NWD1: variants seen among roughly 807,000 people sequenced by gnomAD.
The protein encoded by NWD1 is NACHT and WD repeat domain containing 1.
In NWD1, 129 loss-of-function variants were observed where a neutral mutation model predicts 135.1. The observed-to-expected ratio is 0.96, with a 90% CI of 0.83 to 1.11. NWD1 has a LOEUF of 1.11. Ranked by LOEUF, NWD1 falls within the 50% of genes least tolerant of loss-of-function variation. NWD1 has a pLI of 0.00. For missense variants in NWD1, 1,740 were observed against 1,851.3 expected (o/e 0.94, Z 1.10); for synonymous variants, 773 against 786.0 (o/e 0.98, Z 0.28).
At chr19:16,780,435 C>T (rs1020681653) in intron 12 of NWD1, among the ~76,000 whole-genome samples, 5 of 152,120 alleles carry the variant, frequency 3.3e-5, no homozygotes, top group Admixed American at 6.6e-5. Context: ...GGATTACAGG[C>T]GTGAGCCACC....
chr19:16,744,387 G>C, intron 4 of NWD1, 34 bp from the exon 5 acceptor site: 1 of 1,530,914 alleles, frequency 6.5e-7, no homozygotes, highest in Non-Finnish European at 8.8e-7. Flanking sequence ...AAGAAAAAAA[G>C]TGAGATTTGA....
chr19:16,795,197 G>T (rs1052600176), intron 15 of NWD1, among the ~76,000 whole-genome samples: 4 of 152,206 alleles, frequency 2.6e-5, no homozygotes, highest in African/African-American at 9.6e-5. Context: ...CCAGCCCGCG[G>T]CTCCCATGGC....
In NWD1 at chr19:16,794,461, A is replaced by G. The variant is rs560391687; in HGVS notation, c.3214-2A>G. ...CTGACAGGCATCCCTGGTTCTGCAC[A>G]GGTTTCCTCCAAAGGGGACAGATTG... On this transcript the variant is annotated splice_acceptor_variant, in intron 14 of 18. Coordinates refer to ENST00000524140, the MANE Select transcript of NWD1 (RefSeq NM_001007525.5). LOFTEE classifies it high-confidence loss of function. 1.4e-5 allele frequency: 23 copies of G among 1,603,114 alleles called. No homozygotes were observed. In the South Asian group the frequency reaches 2.3e-4, roughly 16 times the overall value.
intron 18 of NWD1, chr19:16,812,604 G>A: frequency 1.6e-6 from 1 of 641,236 alleles, no homozygotes; most frequent in Admixed American, 2.2e-5. Context: ...GGGAGGTGGA[G>A]GTTGCAGTGA....
intron 4 of NWD1, among the ~76,000 whole-genome samples, chr19:16,738,864 A>AATATATAATACATTATATATTATATATAT (rs1967964117): frequency 2.1e-5 from 3 of 143,188 alleles, no homozygotes; most frequent in Non-Finnish European, 3.0e-5. Flanking sequence ...CATTATCTAT[A>AATATATAATACATTATATATTATATATAT]ATATATAATA....
At chr19:16,814,600 A>G (rs1206735581) in intron 18 of NWD1, among the ~76,000 whole-genome samples, 1 of 152,242 alleles carries the variant, frequency 6.6e-6, no homozygotes, top group Non-Finnish European at 1.5e-5. Context: ...TAACACTATT[A>G]TACATTGTAG....
intron 6 of NWD1, among the ~76,000 whole-genome samples, chr19:16,752,218 GT>G (rs775738569): frequency 1.0e-3 from 142 of 139,880 alleles, no homozygotes; most frequent in African/African-American, 2.9e-3. Flanking sequence ...TTTTAGGGTT[GT>G]TTTTTTTTTT....
intron 5 of NWD1, among the ~76,000 whole-genome samples, chr19:16,747,963 A>G (rs1968393955): frequency 6.6e-6 from 1 of 151,960 alleles, no homozygotes; most frequent in Non-Finnish European, 1.5e-5. Context: ...TTATCCATTC[A>G]TCTGTTGATG....
rs934446930 is a variant in NWD1 at position 16,749,036 on chromosome 19, C to A, written c.497-103C>A. The A allele has an allele frequency of 7.0e-6, 6 of 856,676 alleles. No individual in the cohort carries two copies. The African/African-American group carries it at 1.0e-4, about 15-fold the overall frequency. 53.1% of individuals were successfully genotyped at this position (856,676 alleles called of 1,614,324 possible). A position where few individuals can be genotyped will look rare whatever the true frequency, so the allele number is the denominator to read the frequency against. Reference sequence around the variant, plus strand: ...CTCTGGTGCACGTTAATCTTGAGAACCAATGCACATCCCCCAACAACAGGT... The same window carrying A: ...CTCTGGTGCACGTTAATCTTGAGAAACAATGCACATCCCCCAACAACAGGT... On this transcript the variant is annotated intron_variant, in intron 5 of 18. Coordinates refer to ENST00000524140, the MANE Select transcript of NWD1 (RefSeq NM_001007525.5).
At chr19:16,785,538 TAAAC>T (rs1297930599) in intron 12 of NWD1, among the ~76,000 whole-genome samples, 3 of 150,210 alleles carry the variant, frequency 2.0e-5, no homozygotes, top group Admixed American at 6.7e-5. Flanking sequence ...TAAAATAAAA[TAAAC>T]AAACAAAATT....
chr19:16,767,332 C>T (rs1029118547), intron 10 of NWD1, among the ~76,000 whole-genome samples: 8 of 151,716 alleles, frequency 5.3e-5, no homozygotes, highest in Non-Finnish European at 1.2e-4. Flanking sequence ...AACCATCGGA[C>T]GGCCAGGTGT....
intron 9 of NWD1, 122 bp from the exon 10 acceptor site, chr19:16,764,912 C>T: frequency 9.6e-7 from 1 of 1,042,320 alleles, no homozygotes; most frequent in South Asian, 1.5e-5. Context: ...TGATCCTGCC[C>T]CAGTGTCACT....
intron 2 of NWD1, among the ~76,000 whole-genome samples, chr19:16,724,792 G>T (rs746574203): frequency 6.7e-6 from 1 of 149,572 alleles, no homozygotes; most frequent in East Asian, 2.0e-4. Context: ...TCCCAGGTTC[G>T]AGTAATTCTC....
At chr19:16,743,259 G>T (rs1404060137) in intron 4 of NWD1, among the ~76,000 whole-genome samples, 2 of 151,382 alleles carry the variant, frequency 1.3e-5, no homozygotes, top group Non-Finnish European at 2.9e-5. Context: ...CCCCCAGGCT[G>T]GAGTGCAGTG....
intron 9 of NWD1, among the ~76,000 whole-genome samples, chr19:16,764,362 T>C (rs1484908428): frequency 5.7e-5 from 1 of 17,548 alleles, no homozygotes; most frequent in Non-Finnish European, 1.3e-4. Flanking sequence ...CCATCTTCTG[T>C]CCATCCATCC....
At chr19:16,814,950 C>G in intron 18 of NWD1, 78 bp from the exon 19 acceptor site, 1 of 1,311,900 alleles carries the variant, frequency 7.6e-7, no homozygotes, top group South Asian at 1.3e-5. Flanking sequence ...TTATTCCATG[C>G]AGCCAACTCT....
chr19:16,746,931 G>A (rs1460889580), intron 5 of NWD1, among the ~76,000 whole-genome samples: 2 of 152,102 alleles, frequency 1.3e-5, no homozygotes, highest in African/African-American at 4.8e-5. Context: ...GGGTGGCAGA[G>A]GCAGAAGAAA....
rs892137653 is a variant in NWD1 at position 16,765,016 on chromosome 19, C to T, written c.2252-18C>T. Reference sequence around the variant, plus strand: ...GGAGGTAGGCACTTCCCACATCCTCCCCCCTTCTCTCCCTCAGGCAGCATG... The same window carrying T: ...GGAGGTAGGCACTTCCCACATCCTCTCCCCTTCTCTCCCTCAGGCAGCATG... On this transcript the variant is annotated intron_variant, in intron 9 of 18. Transcript: ENST00000524140. The T allele has an allele frequency of 6.2e-7, 1 of 1,613,628 alleles. No homozygotes were observed. Among genetic ancestry groups the T allele is most frequent in the East Asian group, 2.2e-5 (1 of 44,878 alleles).
At chr19:16,761,701 G>A (rs62118252) in intron 7 of NWD1, among the ~76,000 whole-genome samples, 36,459 of 152,036 alleles carry the variant, frequency 0.24, 4,930 homozygotes, top group Middle Eastern at 0.46. Context: ...ATACCCAGGA[G>A]TGGATTTGCT....
Sources: gnomAD v4.1 joint callset for allele counts (sites outside exome capture counted in the v4.1 genomes callset) on GRCh38, gnomAD v4.1.1 for gene constraint, MANE v1.5 for transcripts, NCBI Gene and HGNC (gene_info 2026-07-23, HGNC 2026-07-21) for gene names.